CEP85L: variants seen among roughly 807,000 people sequenced by gnomAD.
The protein encoded by CEP85L is centrosomal protein 85L, also known as centrosomal protein of 85 kDa-like.
A neutral mutation model predicts 100.3 loss-of-function variants in CEP85L; 60 were observed. The ratio of observed to expected loss-of-function variants is 0.60; its 90% CI spans 0.49 to 0.74. CEP85L has a LOEUF of 0.74. Ranked by LOEUF, CEP85L falls within the 30% of genes least tolerant of loss-of-function variation. The pLI is 0.00. For synonymous variants in CEP85L, 319 were observed against 322.7 expected (o/e 0.99, Z 0.12); for missense variants, 973 against 936.2 (o/e 1.04, Z -0.51).
chr6:118,511,308 G>C lies in CEP85L; in HGVS notation c.1247C>G (p.Ala416Gly), dbSNP rs753937891. 1.7e-5 allele frequency: 28 copies of C among 1,606,200 alleles called. No individual in the cohort carries two copies. Among genetic ancestry groups the C allele is most frequent in the Non-Finnish European group, 2.4e-5 (28 of 1,173,488 alleles). The change falls in exon 5 of 13, where the codon GCT (alanine) becomes GGT (glycine). Residue 416 changes from alanine (A) to glycine (G), a missense_variant. Around this residue, in one of 3 missense-constraint regions of CEP85L, gnomAD observed 890 missense variants for 844.5 expected, o/e 1.05. Coordinates refer to ENST00000368491, the MANE Select transcript of CEP85L (RefSeq NM_001042475.3). ...HYVNCEDSYV[A>G]SLQPQYENTS... ...CCTCTGTAATCTTACCTGCAAACTA[G>C]CCACATAAGAATCCTCACAATTTAC...
intron 4 of CEP85L, among the ~76,000 whole-genome samples, chr6:118,515,106 G>A (rs939885480): frequency 6.6e-6 from 1 of 151,914 alleles, no homozygotes; most frequent in Non-Finnish European, 1.5e-5. Flanking sequence ...AACTTGCCAG[G>A]CCAAAACAGA....
At chr6:118,474,497 C>T (rs1376675607) in intron 10 of CEP85L, among the ~76,000 whole-genome samples, 1 of 152,176 alleles carries the variant, frequency 6.6e-6, no homozygotes, top group Non-Finnish European at 1.5e-5. Flanking sequence ...CTACCTCAAT[C>T]CCCTTATGGG....
chr6:118,472,036 C>T (rs531174103), intron 10 of CEP85L, among the ~76,000 whole-genome samples: 10 of 151,650 alleles, frequency 6.6e-5, no homozygotes, highest in African/African-American at 2.4e-4. Flanking sequence ...TACTCAAACT[C>T]ACATTCTAAC....
intron 1 of CEP85L, among the ~76,000 whole-genome samples, chr6:118,632,954 T>C (rs1392430488): frequency 6.6e-6 from 1 of 152,194 alleles, no homozygotes; most frequent in Non-Finnish European, 1.5e-5. Flanking sequence ...GTGGCATCTG[T>C]GATTATACAT....
At chr6:118,556,859 GACAGTTAAT>G (rs1334432125) in intron 3 of CEP85L, among the ~76,000 whole-genome samples, 1 of 152,002 alleles carries the variant, frequency 6.6e-6, no homozygotes, top group Non-Finnish European at 1.5e-5. Context: ...ATTATCTCTG[GACAGTTAAT>G]ACAGTTAATT....
At chr6:118,664,727 T>A (rs1477073864) in intron 1 of CEP85L, among the ~76,000 whole-genome samples, 1 of 152,180 alleles carries the variant, frequency 6.6e-6, no homozygotes, top group Non-Finnish European at 1.5e-5. Context: ...AACATAATTA[T>A]GAGTTGTGCT....
intron 5 of CEP85L, among the ~76,000 whole-genome samples, chr6:118,510,844 T>C (rs1451905146): frequency 6.6e-6 from 1 of 152,040 alleles, no homozygotes; most frequent in East Asian, 1.9e-4. Context: ...TAGAATAAAT[T>C]ATGCTATCTC....
intron 2 of CEP85L, among the ~76,000 whole-genome samples, chr6:118,602,413 T>C (rs978170627): frequency 4.6e-5 from 7 of 152,210 alleles, no homozygotes; most frequent in African/African-American, 1.7e-4. Flanking sequence ...GGACAACTGT[T>C]GAAACCAAGT....
At chr6:118,495,879 T>A (rs1409435296) in intron 5 of CEP85L, among the ~76,000 whole-genome samples, 1 of 152,228 alleles carries the variant, frequency 6.6e-6, no homozygotes, top group African/African-American at 2.4e-5. Flanking sequence ...GGTTGAAAAG[T>A]CTATCAATGT....
intron 1 of CEP85L, among the ~76,000 whole-genome samples, chr6:118,699,919 T>G (rs1192466823): frequency 6.6e-6 from 1 of 152,204 alleles, no homozygotes. Context: ...GGTCTTGAAC[T>G]CTTGACCTCA....
At chr6:118,625,953 C>T (rs1329007559) in intron 2 of CEP85L, among the ~76,000 whole-genome samples, 2 of 152,184 alleles carry the variant, frequency 1.3e-5, no homozygotes, top group African/African-American at 4.8e-5. Flanking sequence ...CCAGGATCAG[C>T]CCACTGGTCT....
At chr6:118,651,046 G>T (rs1049549797) in intron 1 of CEP85L, 151 bp downstream of exon 1, 1 of 1,247,254 alleles carries the variant, frequency 8.0e-7, no homozygotes, top group Non-Finnish European at 1.0e-6. Context: ...CCCGGGTGCT[G>T]ACAGCGGGGA....
chr6:118,591,553 T>C (rs1583123690), intron 2 of CEP85L, among the ~76,000 whole-genome samples: 1 of 152,158 alleles, frequency 6.6e-6, no homozygotes, highest in South Asian at 2.1e-4. Flanking sequence ...AGCCTCTGAT[T>C]GGTCACTTTC....
intron 3 of CEP85L, chr6:118,565,291 A>G: frequency 1.9e-6 from 1 of 517,578 alleles, no homozygotes; most frequent in Non-Finnish European, 3.4e-6. Flanking sequence ...CCATTTAACA[A>G]ATGAAAAGGA....
At chr6:118,680,901 A>G (rs1206717820) in intron 1 of CEP85L, among the ~76,000 whole-genome samples, 1 of 151,504 alleles carries the variant, frequency 6.6e-6, no homozygotes, top group Non-Finnish European at 1.5e-5. Flanking sequence ...CTCTGAGATG[A>G]CTCTAAAGTG....
At chr6:118,511,701 T>G (rs1024699342) in intron 4 of CEP85L, among the ~76,000 whole-genome samples, 1 of 152,160 alleles carries the variant, frequency 6.6e-6, no homozygotes, top group African/African-American at 2.4e-5. Context: ...TGATGAAGTT[T>G]TGAAGGAGAG....
At chr6:118,478,270 A>T (rs1773533463) in intron 10 of CEP85L, among the ~76,000 whole-genome samples, 1 of 152,126 alleles carries the variant, frequency 6.6e-6, no homozygotes, top group South Asian at 2.1e-4. Flanking sequence ...GTCACCAAAA[A>T]TGACCAAATA....
At position 118,543,389 on chromosome 6, in the gene CEP85L, T is replaced by C. The variant is rs1052455695; in HGVS notation, c.1021-19469A>G. 2.6e-5 allele frequency among the ~76,000 whole-genome samples: 4 copies of C among 152,120 alleles called. No individual in the cohort carries two copies. In the East Asian group the frequency reaches 5.8e-4, roughly 22 times the overall value. On this transcript the variant is annotated intron_variant, in intron 3 of 12. Transcript: ENST00000368491. The stretch of plus-strand genomic sequence containing the variant: ...TAATATTCTAAATATCCATTAAGTA[T>C]AAAAATATCTTATTGAGCCTTCTAA...
At chr6:118,477,463 C>G (rs1773469904) in intron 10 of CEP85L, among the ~76,000 whole-genome samples, 2 of 152,082 alleles carry the variant, frequency 1.3e-5, no homozygotes, top group South Asian at 4.1e-4. Context: ...TAAACTATAG[C>G]TGTATTTTGA....
Sources: gnomAD v4.1 joint callset for allele counts (sites outside exome capture counted in the v4.1 genomes callset) on GRCh38, gnomAD v4.1.1 for gene constraint, gnomAD v4.1.1 regional missense constraint, MANE v1.5 for transcripts, NCBI Gene and HGNC (gene_info 2026-07-23, HGNC 2026-07-21) for gene names.